The following AFG2A variants were observed in gnomAD, a reference collection of about 807,000 sequenced individuals.
AFG2A encodes ATPase family gene 2 protein homolog A.
At chr4:123,165,816 T>G in the AFG2A span, among the ~76,000 whole-genome samples, 1 of 152,160 alleles carries the variant, frequency 6.6e-6, no homozygotes, top group African/African-American at 2.4e-5. Context: ...AGTCTTAAAT[T>G]TTTCATATAT....
the AFG2A span, among the ~76,000 whole-genome samples, chr4:122,948,477 A>G: frequency 6.6e-6 from 1 of 151,688 alleles, no homozygotes; most frequent in African/African-American, 2.4e-5. Flanking sequence ...GATGATGACA[A>G]TATTTATTGA....
the AFG2A span, among the ~76,000 whole-genome samples, chr4:122,930,865 A>G: frequency 6.6e-6 from 1 of 152,186 alleles, no homozygotes; most frequent in Admixed American, 6.5e-5. Context: ...TGCTTATTAG[A>G]GAGGACTGGA....
chr4:123,124,905 A>G, the AFG2A span, among the ~76,000 whole-genome samples: 3 of 152,202 alleles, frequency 2.0e-5, no homozygotes, highest in Non-Finnish European at 2.9e-5. Context: ...GTAACATAAA[A>G]TTAAGAAATT....
chr4:123,286,936 C>T, the AFG2A span, among the ~76,000 whole-genome samples: 1 of 152,058 alleles, frequency 6.6e-6, no homozygotes, highest in African/African-American at 2.4e-5. Flanking sequence ...AAAATTACTC[C>T]CCAAATCAAG....
the AFG2A span, among the ~76,000 whole-genome samples, chr4:123,034,448 CTCAAAACTGTGAAGGTTA>C: frequency 2.6e-5 from 4 of 151,234 alleles, no homozygotes; most frequent in Admixed American, 1.3e-4. Context: ...ACTAGTACTC[CTCAAAACTGTGAAGGTTA>C]TCAAAAACAA....
the AFG2A span, among the ~76,000 whole-genome samples, chr4:123,170,847 A>G: frequency 6.6e-6 from 1 of 152,120 alleles, no homozygotes; most frequent in Non-Finnish European, 1.5e-5. Flanking sequence ...CTCACTTTTT[A>G]AAAAAACCGT....
At chr4:123,155,898 T>A in the AFG2A span, among the ~76,000 whole-genome samples, 3 of 152,188 alleles carry the variant, frequency 2.0e-5, no homozygotes, top group African/African-American at 7.2e-5. Flanking sequence ...CAAAAGTTCA[T>A]CTTGGTACCT....
chr4:122,934,228 G>A, the AFG2A span: 105 of 1,614,064 alleles, frequency 6.5e-5, 1 homozygote, highest in African/African-American at 1.3e-3. Flanking sequence ...CTCTGACACT[G>A]ATGCCCAAAG....
the AFG2A span, among the ~76,000 whole-genome samples, chr4:123,229,393 A>G: frequency 6.6e-6 from 1 of 152,042 alleles, no homozygotes; most frequent in Non-Finnish European, 1.5e-5. Flanking sequence ...GTATGTTCTT[A>G]TTCTAAAGAC....
At chr4:123,175,624 A>G in the AFG2A span, among the ~76,000 whole-genome samples, 2 of 152,250 alleles carry the variant, frequency 1.3e-5, no homozygotes, top group African/African-American at 4.8e-5. Flanking sequence ...CTTGTCACCC[A>G]GAAGTGCCAT....
chr4:122,970,386 A>G, the AFG2A span, among the ~76,000 whole-genome samples: 1 of 152,064 alleles, frequency 6.6e-6, no homozygotes, highest in Non-Finnish European at 1.5e-5. Context: ...TGTTTGCACA[A>G]TGATAAAATC....
the AFG2A span, among the ~76,000 whole-genome samples, chr4:123,139,218 C>G: frequency 2.0e-5 from 3 of 152,068 alleles, no homozygotes; most frequent in Non-Finnish European, 4.4e-5. Context: ...TGGCAACTTT[C>G]TCTTTGCATT....
chr4:123,271,937 T>C, the AFG2A span, among the ~76,000 whole-genome samples: 19 of 152,204 alleles, frequency 1.2e-4, no homozygotes, highest in Non-Finnish European at 2.6e-4. Context: ...GAGTAAGATT[T>C]ACTTACGCTG....
chr4:123,007,590 GTGTGTGTGTGTGTGTGTGTATA>G, the AFG2A span, among the ~76,000 whole-genome samples: 93 of 4,568 alleles, frequency 0.02, no homozygotes, highest in African/African-American at 0.037. Flanking sequence ...GTGTGTGTGT[GTGTGTGTGTGTGTGTGTGTATA>G]TATATATATA....
chr4:123,127,745 T>G, the AFG2A span, among the ~76,000 whole-genome samples: 2 of 152,186 alleles, frequency 1.3e-5, no homozygotes, highest in Non-Finnish European at 2.9e-5. Flanking sequence ...TGGAATACCT[T>G]TATTTTCCCC....
At chr4:123,312,513 G>A in the AFG2A span, among the ~76,000 whole-genome samples, 23 of 152,268 alleles carry the variant, frequency 1.5e-4, no homozygotes, top group African/African-American at 5.1e-4. Flanking sequence ...AGAACACAGT[G>A]GAACCATTGG....
chr4:123,103,409 A>C, the AFG2A span, among the ~76,000 whole-genome samples: 1 of 152,100 alleles, frequency 6.6e-6, no homozygotes, highest in Admixed American at 6.6e-5. Context: ...ATGTCTAGTT[A>C]ATTTTAGTCA....
chr4:123,287,942 A>T, the AFG2A span, among the ~76,000 whole-genome samples: 1 of 152,194 alleles, frequency 6.6e-6, no homozygotes. Flanking sequence ...CAAGAAGTCC[A>T]CATGCTCCGA....
At chr4:123,243,792 G>A in the AFG2A span, among the ~76,000 whole-genome samples, 10 of 106,366 alleles carry the variant, frequency 9.4e-5, no homozygotes, top group African/African-American at 2.8e-4. Context: ...ATCTGAGCAG[G>A]AGGATCACTT....
Sources: allele counts gnomAD v4.1 joint callset (sites outside exome capture counted in the v4.1 genomes callset), GRCh38; gene constraint gnomAD v4.1.1; transcripts MANE v1.5; gene names NCBI Gene and HGNC (gene_info 2026-07-23, HGNC 2026-07-21).